PLXDC2: variants seen among roughly 807,000 people sequenced by gnomAD.
PLXDC2 encodes plexin domain-containing protein 2.
Under a neutral mutation model 68.9 loss-of-function variants are expected in PLXDC2, and 40 were observed. The ratio of observed to expected loss-of-function variants is 0.58; its 90% CI spans 0.45 to 0.76. PLXDC2 has a LOEUF of 0.76. Ranked by LOEUF, PLXDC2 falls within the 30% of genes least tolerant of loss-of-function variation. The pLI is 0.00. For synonymous variants in PLXDC2, 243 were observed against 234.2 expected (o/e 1.04, Z -0.34); for missense variants, 644 against 661.9 (o/e 0.97, Z 0.30).
intron 1 of PLXDC2, among the ~76,000 whole-genome samples, chr10:19,953,745 A>G (rs1345411146): frequency 6.6e-6 from 1 of 152,198 alleles, no homozygotes; most frequent in Non-Finnish European, 1.5e-5. Flanking sequence ...TATGATCATC[A>G]TACTCAAAGT....
At chr10:20,068,534 G>C (rs1342012384) in intron 4 of PLXDC2, among the ~76,000 whole-genome samples, 1 of 150,724 alleles carries the variant, frequency 6.6e-6, no homozygotes, top group Non-Finnish European at 1.5e-5. Context: ...AATTGGAATA[G>C]AGATAGAAGG....
intron 9 of PLXDC2, among the ~76,000 whole-genome samples, chr10:20,196,636 T>G (rs560410714): frequency 6.6e-6 from 1 of 152,264 alleles, no homozygotes; most frequent in East Asian, 1.9e-4. Flanking sequence ...CAGCCCCAGT[T>G]TTATGCATGC....
At chr10:20,089,812 A>G (rs1465749857) in intron 4 of PLXDC2, among the ~76,000 whole-genome samples, 1 of 152,208 alleles carries the variant, frequency 6.6e-6, no homozygotes, top group Non-Finnish European at 1.5e-5. Context: ...CCAAGAGAGA[A>G]TAATAATTAA....
chr10:19,838,271 A>G (rs1172326186), intron 1 of PLXDC2, among the ~76,000 whole-genome samples: 1 of 152,290 alleles, frequency 6.6e-6, no homozygotes, highest in Middle Eastern at 3.4e-3. Context: ...CTAATATATA[A>G]CTTTAAAAAA....
At chr10:20,039,175 A>G (rs544810529) in intron 2 of PLXDC2, among the ~76,000 whole-genome samples, 55 of 152,256 alleles carry the variant, frequency 3.6e-4, no homozygotes, top group Admixed American at 9.2e-4. Context: ...TCTACCCACA[A>G]CTATGTGAGA....
chr10:20,157,018 C>T (rs577017429), intron 6 of PLXDC2, among the ~76,000 whole-genome samples: 5 of 152,160 alleles, frequency 3.3e-5, no homozygotes, highest in African/African-American at 1.2e-4. Flanking sequence ...CTCCTGGGCT[C>T]GAGTGATTCT....
chr10:19,893,445 T>C (rs1337361932), intron 1 of PLXDC2, among the ~76,000 whole-genome samples: 1 of 152,210 alleles, frequency 6.6e-6, no homozygotes, highest in African/African-American at 2.4e-5. Context: ...TGTGCATTTT[T>C]GTAATGGTCA....
chr10:19,852,425 C>CAAAAAAAAAAAAAAAAA lies in PLXDC2; in HGVS notation c.112+35258_112+35274dup, dbSNP rs61430454. Among the ~76,000 whole-genome samples the CAAAAAAAAAAAAAAAAA allele has an allele frequency of 6.5e-5, 4 of 61,928 alleles. 1 individual carries two copies. Among genetic ancestry groups the CAAAAAAAAAAAAAAAAA allele is most frequent in the Admixed American group, 2.4e-4 (1 of 4,176 alleles). 40.6% of individuals were successfully genotyped at this position (61,928 alleles called of 152,430 possible). A position where few individuals can be genotyped will look rare whatever the true frequency, so the allele number is the denominator to read the frequency against. Reference sequence around the variant, plus strand: ...TGGGTGACAGAGCAAGACCCTGTCTCAAAAAAAAAAAAAAAAAAAAAAAAA... The same window carrying CAAAAAAAAAAAAAAAAA: ...TGGGTGACAGAGCAAGACCCTGTCTCAAAAAAAAAAAAAAAAAAAAAAAAAAAAAAAAAAAAAAAAAA... On this transcript the variant is annotated intron_variant, in intron 1 of 13. Coordinates refer to ENST00000377252, the MANE Select transcript of PLXDC2 (RefSeq NM_032812.9).
At chr10:20,065,736 A>C (rs1380547175) in intron 3 of PLXDC2, among the ~76,000 whole-genome samples, 2 of 152,214 alleles carry the variant, frequency 1.3e-5, no homozygotes, top group African/African-American at 4.8e-5. Context: ...GATCCCTCGC[A>C]TGTGCAGTTC....
intron 9 of PLXDC2, among the ~76,000 whole-genome samples, chr10:20,200,950 G>A (rs1564351280): frequency 6.6e-6 from 1 of 152,042 alleles, no homozygotes; most frequent in Non-Finnish European, 1.5e-5. Flanking sequence ...AACTGGTACA[G>A]CCGCTGTGGA....
chr10:20,182,930 A>C (rs1401337531), intron 9 of PLXDC2, among the ~76,000 whole-genome samples: 1 of 151,868 alleles, frequency 6.6e-6, no homozygotes, highest in African/African-American at 2.4e-5. Context: ...CCCCCTTATG[A>C]GTGAGAACAT....
Position 19,853,652 on chromosome 10 carries a change from TGGG to T in PLXDC2, c.112+36469_112+36471del, listed in dbSNP as rs10563076. On this transcript the variant is annotated intron_variant, in intron 1 of 13. Transcript: ENST00000377252. ...GTTAACTTTCCAATGCTGCTTTGGGTGGGGGGGGGGTTGCAATTTCTCGAAAAC... is the reference window on the plus strand; with the variant it reads ...GTTAACTTTCCAATGCTGCTTTGGGTGGGGGGGTTGCAATTTCTCGAAAAC... Among the ~76,000 whole-genome samples the T allele has an allele frequency of 1.9e-4, 24 of 129,234 alleles. No individual in the cohort carries two copies. In the East Asian group the frequency reaches 2.3e-3, roughly 12 times the overall value. 84.8% of individuals were successfully genotyped at this position (129,234 alleles called of 152,430 possible). A position where few individuals can be genotyped will look rare whatever the true frequency, so the allele number is the denominator to read the frequency against.
chr10:19,964,671 T>C (rs1440547663), intron 1 of PLXDC2, among the ~76,000 whole-genome samples: 1 of 152,294 alleles, frequency 6.6e-6, no homozygotes, highest in Non-Finnish European at 1.5e-5. Context: ...TGTGTTTTTA[T>C]TTGTTTTCGT....
intron 9 of PLXDC2, among the ~76,000 whole-genome samples, chr10:20,202,315 G>A (rs74747110): frequency 2.0e-5 from 3 of 152,086 alleles, no homozygotes; most frequent in African/African-American, 7.2e-5. Flanking sequence ...GAGGTTCAAA[G>A]ACACTATATT....
At chr10:20,126,878 A>G (rs1428106548) in intron 4 of PLXDC2, among the ~76,000 whole-genome samples, 1 of 147,802 alleles carries the variant, frequency 6.8e-6, no homozygotes, top group Non-Finnish European at 1.5e-5. Flanking sequence ...TATATAATAT[A>G]TGATATATAC....
At chr10:20,121,721 GGTA>G (rs1833700094) in intron 4 of PLXDC2, among the ~76,000 whole-genome samples, 1 of 152,126 alleles carries the variant, frequency 6.6e-6, no homozygotes, top group Admixed American at 6.5e-5. Context: ...GGCACCATGG[GGTA>G]GATAGGCAAA....
intron 1 of PLXDC2, among the ~76,000 whole-genome samples, chr10:19,884,064 G>T (rs1837793725): frequency 7.0e-6 from 1 of 143,494 alleles, no homozygotes; most frequent in African/African-American, 2.6e-5. Context: ...GCTAATTTTT[G>T]TATTTTTTTT....
At chr10:19,879,553 A>G (rs1837692502) in intron 1 of PLXDC2, among the ~76,000 whole-genome samples, 1 of 152,206 alleles carries the variant, frequency 6.6e-6, no homozygotes, top group Non-Finnish European at 1.5e-5. Context: ...TTAGTGATTT[A>G]TATATTAGAC....
At chr10:19,947,707 CTTTT>C (rs34439585) in intron 1 of PLXDC2, among the ~76,000 whole-genome samples, 3 of 120,968 alleles carry the variant, frequency 2.5e-5, no homozygotes, top group Admixed American at 1.7e-4. Flanking sequence ...TTCTTTCTTT[CTTTT>C]TTTTTTTTTT....
Sources: gnomAD v4.1 joint callset for allele counts (sites outside exome capture counted in the v4.1 genomes callset) on GRCh38, gnomAD v4.1.1 for gene constraint, MANE v1.5 for transcripts, NCBI Gene and HGNC (gene_info 2026-07-23, HGNC 2026-07-21) for gene names.